The following PAQR5 variants were observed in gnomAD, a reference collection of about 807,000 sequenced individuals.
The protein encoded by PAQR5 is progestin and adipoQ receptor family member 5, also known as membrane progestin receptor gamma.
PAQR5 carries 20 observed loss-of-function variants against 34.5 expected under a neutral mutation model. That is an observed-to-expected ratio of 0.58 (90% CI 0.41 to 0.84). The LOEUF is 0.84. Among genes scored for constraint, PAQR5 ranks in the 40% least tolerant of loss-of-function variants. The probability of loss-of-function intolerance (pLI) is 0.00; values close to 1 mark genes in which losing one functional copy is unlikely to be tolerated. For synonymous variants in PAQR5, 131 were observed against 155.6 expected (o/e 0.84, Z 1.18); for missense variants, 378 against 412.7 (o/e 0.92, Z 0.73).
At chr15:69,330,488 C>A (rs141733644) in intron 1 of PAQR5, among the ~76,000 whole-genome samples, 1 of 152,322 alleles carries the variant, frequency 6.6e-6, no homozygotes, top group East Asian at 1.9e-4. Context: ...CCCTAGACTG[C>A]TCTTAAGATC....
In PAQR5 at chr15:69,360,131, G is replaced by A; in HGVS notation, c.51G>A (p.Gln17=). Residue 17 remains glutamine, a splice_region_variant and synonymous_variant, in exon 3 of 9, where the codon CAG becomes CAA. Transcript: ENST00000395407. ...PRLFSIDQIP[Q]VFHEQGILFG... ...TGTTTAGCATAGACCAGATACCCCA[G>A]GTATGTGCTCTATTGATTATGATGG... The A allele has an allele frequency of 6.2e-7, 1 of 1,611,164 alleles. No homozygotes were observed. The highest frequency in any genetic ancestry group is 8.5e-7 in the Non-Finnish European group (1 of 1,177,370).
chr15:69,330,951 C>T (rs1238896631), intron 1 of PAQR5, among the ~76,000 whole-genome samples: 1 of 152,186 alleles, frequency 6.6e-6, no homozygotes, highest in Non-Finnish European at 1.5e-5. Flanking sequence ...GTGATGGATC[C>T]AGAAGCCAGC....
At chr15:69,374,976 G>A (rs550397912) in intron 3 of PAQR5, among the ~76,000 whole-genome samples, 25 of 152,214 alleles carry the variant, frequency 1.6e-4, no homozygotes, top group Admixed American at 9.2e-4. Context: ...GCAGACTCTC[G>A]CCCCAGCCAC....
At chr15:69,394,315 C>T (rs2056354379) in intron 6 of PAQR5, among the ~76,000 whole-genome samples, 1 of 152,068 alleles carries the variant, frequency 6.6e-6, no homozygotes, top group African/African-American at 2.4e-5. Flanking sequence ...AGACATGGTT[C>T]TCAGACAGAG....
chr15:69,312,780 G>T (rs897465000), intron 1 of PAQR5, among the ~76,000 whole-genome samples: 1 of 152,098 alleles, frequency 6.6e-6, no homozygotes, highest in Non-Finnish European at 1.5e-5. Context: ...GTTGGATGGT[G>T]GGTGATGGCA....
At position 69,308,627 on chromosome 15, in the gene PAQR5, A is replaced by G. The variant is rs193105111; in HGVS notation, c.-277+9571A>G. Among the ~76,000 whole-genome samples, 317 of 152,250 alleles carry G rather than the reference A, an allele frequency of 2.1e-3. 4 individuals carry two copies. The highest frequency in any genetic ancestry group is 0.018 in the Admixed American group (281 of 15,284). ...CCACTGGGGAGCAAAACCATCCCCA[A>G]TGAGATCCATTGGTCTAAGGGTCAA... On this transcript the variant is annotated intron_variant, in intron 1 of 8. Transcript: ENST00000395407.
At chr15:69,320,965 C>G (rs2140596660) in intron 1 of PAQR5, among the ~76,000 whole-genome samples, 1 of 152,316 alleles carries the variant, frequency 6.6e-6, no homozygotes, top group South Asian at 2.1e-4. Flanking sequence ...TTTCCGCCGA[C>G]AAGGCCTTTT....
At chr15:69,312,475 T>C (rs1294757088) in intron 1 of PAQR5, among the ~76,000 whole-genome samples, 1 of 151,872 alleles carries the variant, frequency 6.6e-6, no homozygotes, top group Non-Finnish European at 1.5e-5. Context: ...CTGGCTGAGC[T>C]CAATCATCTG....
At chr15:69,383,279 T>C (rs959247041) in intron 4 of PAQR5, among the ~76,000 whole-genome samples, 1 of 145,962 alleles carries the variant, frequency 6.9e-6, no homozygotes, top group Non-Finnish European at 1.5e-5. Flanking sequence ...CCCTGCGTGC[T>C]CATGGTGGAG....
chr15:69,383,266 C>CG (rs1241169659), intron 4 of PAQR5, among the ~76,000 whole-genome samples: 17 of 39,074 alleles, frequency 4.4e-4, no homozygotes, highest in Middle Eastern at 0.012. Context: ...GGAGGGTGAG[C>CG]GGCCCTGCGT....
intron 1 of PAQR5, among the ~76,000 whole-genome samples, chr15:69,316,360 C>T (rs1222846633): frequency 6.6e-6 from 1 of 152,148 alleles, no homozygotes; most frequent in Non-Finnish European, 1.5e-5. Context: ...GGATTACAGG[C>T]ATGAGCCACC....
At chr15:69,299,685 T>C (rs562256882) in intron 1 of PAQR5, among the ~76,000 whole-genome samples, 171 of 152,200 alleles carry the variant, frequency 1.1e-3, no homozygotes, top group African/African-American at 4.0e-3. Flanking sequence ...CAAGTCCTAG[T>C]CGGATGAGCC....
intron 1 of PAQR5, among the ~76,000 whole-genome samples, chr15:69,309,750 C>G (rs1202179581): frequency 6.6e-6 from 1 of 152,150 alleles, no homozygotes; most frequent in Non-Finnish European, 1.5e-5. Flanking sequence ...CATATCAGTA[C>G]CTAGAAAGCT....
chr15:69,332,211 CT>C (rs539354871), intron 1 of PAQR5, among the ~76,000 whole-genome samples: 344 of 152,268 alleles, frequency 2.3e-3, no homozygotes, highest in African/African-American at 7.4e-3. Context: ...ATTTGTTTTT[CT>C]TTGTTCTGTA....
chr15:69,344,598 A>G (rs892872195), intron 2 of PAQR5, among the ~76,000 whole-genome samples: 2 of 152,286 alleles, frequency 1.3e-5, no homozygotes, highest in Non-Finnish European at 2.9e-5. Flanking sequence ...AATTGCAAAC[A>G]GCATAATAAT....
intron 1 of PAQR5, among the ~76,000 whole-genome samples, chr15:69,304,157 C>T (rs763816511): frequency 2.0e-5 from 3 of 152,038 alleles, no homozygotes; most frequent in Non-Finnish European, 4.4e-5. Flanking sequence ...CCTTCCCTAC[C>T]CCCCCATCCT....
intron 1 of PAQR5, among the ~76,000 whole-genome samples, chr15:69,334,969 T>A (rs1307040013): frequency 6.6e-6 from 1 of 152,082 alleles, no homozygotes; most frequent in Non-Finnish European, 1.5e-5. Flanking sequence ...ACGCCTGTAA[T>A]CCCAGCATTT....
chr15:69,343,615 A>G (rs950617203), intron 2 of PAQR5, among the ~76,000 whole-genome samples: 1 of 152,212 alleles, frequency 6.6e-6, no homozygotes. Flanking sequence ...ACTGTCTTTC[A>G]TCAATCAATT....
At chr15:69,319,543 G>T (rs948126793) in intron 1 of PAQR5, among the ~76,000 whole-genome samples, 1 of 151,920 alleles carries the variant, frequency 6.6e-6, no homozygotes, top group Non-Finnish European at 1.5e-5. Context: ...GATTCAGAAG[G>T]TTCGAGATAG....
Sources: allele counts gnomAD v4.1 joint callset (sites outside exome capture counted in the v4.1 genomes callset), GRCh38; gene constraint gnomAD v4.1.1; transcripts MANE v1.5; gene names NCBI Gene and HGNC (gene_info 2026-07-23, HGNC 2026-07-21).